The following MED4 variants were observed in gnomAD, a reference collection of about 807,000 sequenced individuals.
MED4 encodes the protein mediator of RNA polymerase II transcription subunit 4.
MED4 carries 21 observed loss-of-function variants against 35.0 expected under a neutral mutation model. The observed-to-expected ratio is 0.60, with a 90% CI of 0.43 to 0.86. MED4 has a LOEUF of 0.86. Ranked by LOEUF, MED4 falls within the 40% of genes least tolerant of loss-of-function variation. The pLI is 0.00. For synonymous variants in MED4, 138 were observed against 114.0 expected, an observed-to-expected ratio of 1.21 and a Z score of -1.34; for missense variants, 300 against 319.4, an observed-to-expected ratio of 0.94 and a Z score of 0.46.
At chr13:48,079,633 G>T (rs187689054) in intron 6 of MED4, 2 of 452,336 alleles carry the variant, frequency 4.4e-6, no homozygotes, top group East Asian at 9.6e-5. Context: ...CCAGCTACTC[G>T]GGAGGCTGAG....
chr13:48,081,810 A>G (rs748928153), intron 4 of MED4, 79 bp from the exon 5 acceptor site: 13 of 743,886 alleles, frequency 1.7e-5, no homozygotes, highest in Non-Finnish European at 2.7e-5. Context: ...TCAGTTACAC[A>G]TCGTATTTAA....
chr13:48,083,505 A>T (rs934327716), intron 3 of MED4, 77 bp from the exon 4 acceptor site: 4 of 1,150,026 alleles, frequency 3.5e-6, no homozygotes, highest in East Asian at 2.4e-5. Flanking sequence ...AATTCACAAG[A>T]TCCTTTAGCC....
chr13:48,083,836 C>T (rs1286115466), intron 3 of MED4, among the ~76,000 whole-genome samples: 2 of 152,120 alleles, frequency 1.3e-5, no homozygotes, highest in East Asian at 1.9e-4. Flanking sequence ...TATTCTTATT[C>T]GTTTATATAT....
In MED4 at chr13:48,077,251, G is replaced by T. The variant is rs1160159494; in HGVS notation, c.701C>A (p.Pro234Gln). The T allele has an allele frequency of 5.7e-6, 9 of 1,587,844 alleles. No homozygotes were observed. Among genetic ancestry groups the T allele is most frequent in the African/African-American group, 2.7e-5 (2 of 73,050 alleles). Reference sequence around the variant, plus strand: ...CAACAAAAAGTCACTACTATGATTTGGTGGTAACATATTCATCGACATGTC... The same window carrying T: ...CAACAAAAAGTCACTACTATGATTTTGTGGTAACATATTCATCGACATGTC... ...SNDMSMNMLPPNHSSDFLLEP... is the reference protein window; with the variant it reads ...SNDMSMNMLPQNHSSDFLLEP... Residue 234 changes from proline to glutamine, a missense_variant, in exon 7 of 7, where the codon CCA (proline) becomes CAA (glutamine). Transcript: ENST00000258648.
chr13:48,095,021 C>A lies in MED4; in HGVS notation c.58G>T (p.Val20Leu), dbSNP rs377535266. The change falls in exon 1 of 7, where the codon GTG (valine) becomes TTG (leucine). Residue 20 changes from valine (V) to leucine (L), a missense_variant. Val to Leu is a conservative substitution (Grantham distance 32). Transcript: ENST00000258648. The part of the protein sequence containing the change: ...EKERLGGGLG[V>L]AGGNSTRERL... ...TCTCGTGTGCTGTTACCACCCGCCA[C>A]TCCCAAACCGCCTCCCAGCCGCTCC... 1.2e-5 allele frequency: 19 copies of A among 1,606,328 alleles called. No individual in the cohort carries two copies. In the South Asian group the frequency reaches 1.9e-4, roughly 16 times the overall value.
At chr13:48,083,812 C>G (rs1288955608) in intron 3 of MED4, among the ~76,000 whole-genome samples, 1 of 152,182 alleles carries the variant, frequency 6.6e-6, no homozygotes, top group African/African-American at 2.4e-5. Flanking sequence ...TTGGAAGATA[C>G]AACCTTGAAT....
chr13:48,083,404 C>T lies in MED4; in HGVS notation c.388G>A (p.Glu130Lys). 1.9e-6 allele frequency: 3 copies of T among 1,613,160 alleles called. No individual in the cohort carries two copies. The highest frequency in any genetic ancestry group is 8.5e-7 in the Non-Finnish European group (1 of 1,179,756). Residue 130 changes from glutamate to lysine, a missense_variant, in exon 4 of 7, where the codon GAG (glutamate) becomes AAG (lysine). Transcript: ENST00000258648. ...ILATAVYQAK[E>K]KLKSIEKARK... ...GCTTTTTCTATTGACTTGAGTTTCT[C>T]CTTCGCTTGGTAAACAGCTGTTGCC...
chr13:48,089,854 T>A (rs569431530), intron 2 of MED4, among the ~76,000 whole-genome samples: 1 of 152,192 alleles, frequency 6.6e-6, no homozygotes, highest in Non-Finnish European at 1.5e-5. Context: ...CATGGAAAAT[T>A]AGAAAGCACC....
In MED4 at chr13:48,092,655, A is replaced by T. The variant is rs78560134; in HGVS notation, c.126-2237T>A. Among the ~76,000 whole-genome samples, 382 of 152,326 alleles carry T rather than the reference A, an allele frequency of 2.5e-3. 1 individual carries two copies. The highest frequency in any genetic ancestry group is 8.7e-3 in the African/African-American group (361 of 41,570). Reference sequence around the variant, plus strand: ...TGGGAGAAACATGGACAGATTTCAGATATCTTTTGGAGGTAGAGCTAACAG... The same window carrying T: ...TGGGAGAAACATGGACAGATTTCAGTTATCTTTTGGAGGTAGAGCTAACAG... On this transcript the variant is annotated intron_variant, in intron 1 of 6. Transcript: ENST00000258648.
intron 3 of MED4, among the ~76,000 whole-genome samples, chr13:48,084,010 C>T (rs1950830189): frequency 6.6e-6 from 1 of 151,922 alleles, no homozygotes; most frequent in Non-Finnish European, 1.5e-5. Context: ...CCTGTAATCC[C>T]AGCATTTTGG....
intron 2 of MED4, 73 bp from the exon 3 acceptor site, chr13:48,086,525 G>A (rs983536342): frequency 1.8e-5 from 24 of 1,366,928 alleles, no homozygotes; most frequent in South Asian, 9.0e-5. Flanking sequence ...CAAAGAATCC[G>A]TAACTGAATT....
chr13:48,079,650 G>C (rs1950789167), intron 6 of MED4, 194 bp downstream of exon 6: 1 of 515,546 alleles, frequency 1.9e-6, no homozygotes, highest in South Asian at 2.2e-5. Context: ...TGAGGCACAA[G>C]AATCACTTGA....
chr13:48,090,337 A>C lies in MED4; in HGVS notation c.192+15T>G. 6.4e-7 allele frequency: 1 copy of C among 1,553,308 alleles called. No homozygotes were observed. The highest frequency in any genetic ancestry group is 8.6e-7 in the Non-Finnish European group (1 of 1,156,632). On this transcript the variant is annotated intron_variant, in intron 2 of 6. Coordinates refer to ENST00000258648, the MANE Select transcript of MED4 (RefSeq NM_014166.4). ...AACAAAGAGAAATTAACTAATTTAA[A>C]AAGAAGCCACTTACCTGGTTTTCCT...
In MED4 at chr13:48,076,570, A is replaced by T. The variant is rs1048699433; in HGVS notation, c.*569T>A. 6.6e-6 allele frequency: 1 copy of T among 151,900 alleles called. No homozygotes were observed. The highest frequency in any genetic ancestry group is 2.4e-5 in the African/African-American group (1 of 41,424). 9.4% of individuals were successfully genotyped at this position (151,900 alleles called of 1,614,324 possible). A position where few individuals can be genotyped will look rare whatever the true frequency, so the allele number is the denominator to read the frequency against. On this transcript the variant is annotated 3_prime_UTR_variant, in exon 7 of 7. Transcript: ENST00000258648. ...CACTGACAGTATATTTAAACTAAAA[A>T]AAAAGCATACAATGTACAAACAAAT...
At chr13:48,086,122 T>C (rs1478412366) in intron 3 of MED4, among the ~76,000 whole-genome samples, 160 bp downstream of exon 3, 1 of 152,158 alleles carries the variant, frequency 6.6e-6, no homozygotes. Context: ...AGAATGACAA[T>C]AGCCTTTCAT....
Position 48,083,428 on chromosome 13 carries a change from C to T in MED4, c.364G>A (p.Ala122Thr). ...KQLKEAEQIL[A>T]TAVYQAKEKL... is the part of the protein sequence containing the mutation. ...TCCTTCGCTTGGTAAACAGCTGTTG[C>T]CTAATTTAAACAACATTTAAAAAAC... The change falls in exon 4 of 7, where the codon GCA (alanine) becomes ACA (threonine). Residue 122 changes from alanine (A) to threonine (T), a missense_variant and splice_region_variant. Physicochemically the swap from Ala to Thr is moderately conservative, Grantham distance 58 (BLOSUM62 0). Coordinates refer to ENST00000258648, the MANE Select transcript of MED4 (RefSeq NM_014166.4). The T allele has an allele frequency of 1.2e-6, 2 of 1,611,480 alleles. No individual in the cohort carries two copies. The highest frequency in any genetic ancestry group is 1.7e-5 in the Admixed American group (1 of 59,600).
rs147212745 is a variant in MED4, at chr13:48,086,841, C to G, written c.193-389G>C. ...GATGCGGGCAGATCACTTGAGGTCA[C>G]GAGTTCTAGACTGGCCTGGCCAACA... On this transcript the variant is annotated intron_variant, in intron 2 of 6. Transcript: ENST00000258648. Among the ~76,000 whole-genome samples, 584 of 151,808 alleles carry G rather than the reference C, an allele frequency of 3.8e-3. 2 individuals carry two copies. The highest frequency in any genetic ancestry group is 0.013 in the African/African-American group (547 of 41,390).
chr13:48,079,701 T>A (rs1365896174), intron 6 of MED4, 143 bp downstream of exon 6: 16 of 925,984 alleles, frequency 1.7e-5, no homozygotes, highest in Admixed American at 2.8e-5. Flanking sequence ...CCAGCCTGGG[T>A]GACATAACAA....
intron 1 of MED4, among the ~76,000 whole-genome samples, chr13:48,094,047 C>A (rs1156607529): frequency 6.6e-6 from 1 of 152,142 alleles, no homozygotes; most frequent in East Asian, 1.9e-4. Flanking sequence ...CCTCACTGGA[C>A]AACGCAAACC....
Sources: allele counts gnomAD v4.1 joint callset (sites outside exome capture counted in the v4.1 genomes callset), GRCh38; gene constraint gnomAD v4.1.1; transcripts MANE v1.5; gene names NCBI Gene and HGNC (gene_info 2026-07-23, HGNC 2026-07-21).